GTF2I: variants seen among roughly 807,000 people sequenced by gnomAD.
The protein encoded by GTF2I is general transcription factor II-I.
Under a neutral mutation model 67.6 loss-of-function variants are expected in GTF2I, and 12 were observed. The ratio of observed to expected loss-of-function variants is 0.18; its 90% confidence interval spans 0.11 to 0.29. The LOEUF (loss-of-function observed/expected upper bound fraction) is 0.29, where lower values mean the gene tolerates loss of function less well. Among genes scored for constraint, GTF2I ranks in the 10% least tolerant of loss-of-function variants. GTF2I has a pLI of 1.00. For missense variants in GTF2I, 271 were observed against 580.1 expected (o/e 0.47, Z 5.47); for synonymous variants, 149 against 197.0 (o/e 0.76, Z 2.04).
chr7:74,667,460 T>C (rs1201259637), intron 1 of GTF2I, among the ~76,000 whole-genome samples: 1 of 152,222 alleles, frequency 6.6e-6, no homozygotes, highest in African/African-American at 2.4e-5. Context: ...TTTTTGTTGT[T>C]GTCGTTGTTG....
intron 1 of GTF2I, among the ~76,000 whole-genome samples, chr7:74,666,135 G>A (rs1804949953): frequency 6.6e-6 from 1 of 152,150 alleles, no homozygotes; most frequent in Non-Finnish European, 1.5e-5. Flanking sequence ...GATCCACCGC[G>A]CCTGGCCAGA....
At chr7:74,708,828 C>T (rs1554402009) in intron 8 of GTF2I, among the ~76,000 whole-genome samples, 3 of 152,174 alleles carry the variant, frequency 2.0e-5, no homozygotes, top group South Asian at 2.1e-4. Flanking sequence ...ACACCCTTCC[C>T]TGCACATTTG....
At chr7:74,704,752 G>C (rs1338979430) in intron 6 of GTF2I, among the ~76,000 whole-genome samples, 6 of 151,420 alleles carry the variant, frequency 4.0e-5, no homozygotes, top group South Asian at 4.2e-4. Flanking sequence ...TACTCAGGAG[G>C]CTGAGGTAGG....
intron 6 of GTF2I, among the ~76,000 whole-genome samples, chr7:74,703,622 C>T (rs1554400449): frequency 6.6e-6 from 1 of 152,190 alleles, no homozygotes; most frequent in Non-Finnish European, 1.5e-5. Flanking sequence ...TCAGGTGATC[C>T]ACCTGCCTCA....
rs192343215 is a variant in GTF2I, at chr7:74,687,110, C to T, written c.-5-2014C>T. 2.1e-3 allele frequency among the ~76,000 whole-genome samples: 325 copies of T among 152,076 alleles called. 1 individual carries two copies. The highest frequency in any genetic ancestry group is 3.5e-3 in the Non-Finnish European group (235 of 67,980). On this transcript the variant is annotated intron_variant, in intron 1 of 34. Coordinates refer to ENST00000573035, the MANE Select transcript of GTF2I (RefSeq NM_032999.4). ...TTCGCCACATTGCCCAGGATGGTCT[C>T]GAACTCCTGGCCTCATGAGAGTCAC...
rs369736203 is a variant in GTF2I at position 74,660,181 on chromosome 7, T to TC, written c.-6+2113_-6+2114insC. ...GCAGCCACTTCCTTAAGGTCTTCTC[T>TC]TTTTTTTTTTTTTTTGCTGCTGTTG... is the stretch of plus-strand genomic sequence containing the variant. On this transcript the variant is annotated intron_variant, in intron 1 of 34. Transcript: ENST00000573035. Among the ~76,000 whole-genome samples, 835 of 136,270 alleles carry TC rather than the reference T, an allele frequency of 6.1e-3. 10 individuals are homozygous for TC. The highest frequency in any genetic ancestry group is 0.021 in the African/African-American group (790 of 37,290). The allele number at this position is 136,270 out of a possible 152,430, so 89.4% of individuals were successfully genotyped here.
intron 1 of GTF2I, among the ~76,000 whole-genome samples, chr7:74,664,963 CAG>C (rs1224755140): frequency 6.7e-6 from 1 of 150,202 alleles, no homozygotes; most frequent in Non-Finnish European, 1.5e-5. Flanking sequence ...TTTTTTGAGA[CAG>C]AGTTTTGCTC....
intron 2 of GTF2I, among the ~76,000 whole-genome samples, chr7:74,690,726 C>G (rs1462682253): frequency 6.6e-6 from 1 of 152,096 alleles, no homozygotes; most frequent in Non-Finnish European, 1.5e-5. Flanking sequence ...ATTGACAGTG[C>G]CCCCCAGCAA....
chr7:74,710,306 T>C (rs181801059), intron 8 of GTF2I, among the ~76,000 whole-genome samples: 1 of 152,174 alleles, frequency 6.6e-6, no homozygotes. Context: ...AATGTGTATG[T>C]GCACCCATGC....
intron 14 of GTF2I, among the ~76,000 whole-genome samples, chr7:74,731,586 G>T: frequency 2.1e-5 from 3 of 139,756 alleles, no homozygotes; most frequent in African/African-American, 8.0e-5. Flanking sequence ...TTTTGCTCTT[G>T]TTGCCTAGTC....
chr7:74,674,679 C>T (rs1217741527), intron 1 of GTF2I, among the ~76,000 whole-genome samples: 1 of 151,838 alleles, frequency 6.6e-6, no homozygotes, highest in African/African-American at 2.4e-5. Context: ...GCTGGGATTA[C>T]AGGCATGAGC....
intron 1 of GTF2I, among the ~76,000 whole-genome samples, chr7:74,675,479 T>G (rs1163600234): frequency 1.3e-5 from 2 of 152,084 alleles, no homozygotes; most frequent in African/African-American, 4.8e-5. Flanking sequence ...TAGTATTTTG[T>G]GGTACAATAC....
chr7:74,726,422 T>C (rs782451209), intron 12 of GTF2I: 8 of 152,220 alleles, frequency 5.3e-5, no homozygotes, highest in Non-Finnish European at 1.0e-4. Flanking sequence ...ACTTCTGTTT[T>C]CCAGATTGTT....
intron 10 of GTF2I, among the ~76,000 whole-genome samples, chr7:74,716,062 A>T (rs1397957704): frequency 6.6e-6 from 1 of 152,094 alleles, no homozygotes; most frequent in East Asian, 1.9e-4. Flanking sequence ...ACTAATAGGT[A>T]ATATGTTTTT....
chr7:74,704,683 C>G (rs1790353696), intron 6 of GTF2I, among the ~76,000 whole-genome samples: 1 of 151,756 alleles, frequency 6.6e-6, no homozygotes, highest in Non-Finnish European at 1.5e-5. Context: ...GATCCAATTT[C>G]TACAAAAAAT....
At chr7:74,704,431 C>G (rs587775187) in intron 6 of GTF2I, among the ~76,000 whole-genome samples, 1 of 151,944 alleles carries the variant, frequency 6.6e-6, no homozygotes, top group Non-Finnish European at 1.5e-5. Flanking sequence ...ACTGGGATTA[C>G]AGGCGCCCGC....
Position 74,750,168 on chromosome 7 carries a change from C to A in GTF2I, c.2420+717C>A, listed in dbSNP as rs1311160160. ...GAAATAGATAGGAATGGGCCGGGTG[C>A]GGCCATAAATCCCAGCACTGTGGGA... On this transcript the variant is annotated intron_variant, in intron 26 of 34. Transcript: ENST00000573035. 3.9e-3 allele frequency among the ~76,000 whole-genome samples: 346 copies of A among 88,178 alleles called. 1 individual carries two copies. Among genetic ancestry groups the A allele is most frequent in the African/African-American group, 0.011 (332 of 30,626 alleles). The allele number at this position is 88,178 out of a possible 152,430, so 57.8% of individuals were successfully genotyped here.
At chr7:74,675,658 A>G (rs1805835802) in intron 1 of GTF2I, among the ~76,000 whole-genome samples, 1 of 152,086 alleles carries the variant, frequency 6.6e-6, no homozygotes. Context: ...TTTGTAGATA[A>G]TGGAATTTGA....
At chr7:74,682,391 T>C (rs1039779034) in intron 1 of GTF2I, among the ~76,000 whole-genome samples, 2 of 152,218 alleles carry the variant, frequency 1.3e-5, no homozygotes, top group Admixed American at 6.5e-5. Context: ...GGGAACTCAA[T>C]TGACAGAAGT....
Sources: gnomAD v4.1 joint callset for allele counts (sites outside exome capture counted in the v4.1 genomes callset) on GRCh38, gnomAD v4.1.1 for gene constraint, MANE v1.5 for transcripts, NCBI Gene and HGNC (gene_info 2026-07-23, HGNC 2026-07-21) for gene names.